Variants in EXOC2 observed in about 807,000 individuals in gnomAD.
EXOC2 encodes the protein SEC5-like 1.
A neutral mutation model predicts 131.8 loss-of-function variants in EXOC2; 70 were observed. The observed-to-expected ratio is 0.53, with a 90% CI of 0.44 to 0.65. The LOEUF (loss-of-function observed/expected upper bound fraction) is 0.65, where lower values mean the gene tolerates loss of function less well. Ranked by LOEUF, EXOC2 falls within the 30% of genes least tolerant of loss-of-function variation. The pLI, the probability that EXOC2 is intolerant of heterozygous loss-of-function variation, is 0.00. For synonymous variants in EXOC2, 411 were observed against 398.4 expected (o/e 1.03, Z -0.38); for missense variants, 923 against 1,108.6 (o/e 0.83, Z 2.38).
intron 17 of EXOC2, among the ~76,000 whole-genome samples, chr6:557,808 T>G (rs570389081): frequency 6.6e-6 from 1 of 151,988 alleles, no homozygotes; most frequent in Non-Finnish European, 1.5e-5. Context: ...AGGACGACAG[T>G]GTACCCACCC....
At chr6:659,200 T>C (rs960794031) in intron 1 of EXOC2, among the ~76,000 whole-genome samples, 3 of 152,190 alleles carry the variant, frequency 2.0e-5, no homozygotes, top group African/African-American at 7.2e-5. Flanking sequence ...AAAGTTTATG[T>C]CATTTATTTA....
intron 23 of EXOC2, among the ~76,000 whole-genome samples, chr6:512,871 A>T (rs1435642619): frequency 6.6e-6 from 1 of 152,240 alleles, no homozygotes; most frequent in Non-Finnish European, 1.5e-5. Context: ...AAGATAACAT[A>T]CAAGAATGTA....
At chr6:524,180 A>G (rs947365632) in intron 23 of EXOC2, 2 of 152,206 alleles carry the variant, frequency 1.3e-5, no homozygotes, top group African/African-American at 4.8e-5. Flanking sequence ...TAGGACATTT[A>G]CGTATGGGGA....
intron 1 of EXOC2, among the ~76,000 whole-genome samples, chr6:639,755 C>A (rs1052305179): frequency 1.3e-5 from 2 of 152,150 alleles, no homozygotes; most frequent in African/African-American, 4.8e-5. Context: ...ATGTGGGAGG[C>A]GTACAGGCCA....
At chr6:500,129 T>C (rs979351048) in intron 23 of EXOC2, among the ~76,000 whole-genome samples, 2 of 152,152 alleles carry the variant, frequency 1.3e-5, no homozygotes, top group Non-Finnish European at 2.9e-5. Context: ...GTATAAGCAG[T>C]AACACAAAAT....
At chr6:682,771 C>T (rs367639522) in intron 1 of EXOC2, among the ~76,000 whole-genome samples, 4 of 152,094 alleles carry the variant, frequency 2.6e-5, no homozygotes, top group African/African-American at 4.8e-5. Context: ...GGGTTTTCTC[C>T]GGGTGTGATG....
chr6:508,138 T>C (rs1321100002), intron 23 of EXOC2, among the ~76,000 whole-genome samples: 1 of 152,236 alleles, frequency 6.6e-6, no homozygotes, highest in Non-Finnish European at 1.5e-5. Flanking sequence ...TAATTGACTA[T>C]ACTTTTTAGA....
intron 11 of EXOC2, among the ~76,000 whole-genome samples, chr6:590,706 C>T (rs373582207): frequency 3.2e-4 from 48 of 152,156 alleles, no homozygotes; most frequent in African/African-American, 9.2e-4. Flanking sequence ...GTTTTCCTCC[C>T]GCCATGACCA....
chr6:633,046 C>T lies in EXOC2; in HGVS notation c.190G>A (p.Val64Met). 6.2e-7 allele frequency: 1 copy of T among 1,614,140 alleles called. No homozygotes were observed. The highest frequency in any genetic ancestry group is 8.5e-7 in the Non-Finnish European group (1 of 1,180,026). Reference sequence around the variant, plus strand: ...CCTTTGTCATTTTTGGCTTGTCCCACTCGACATACTATTTTACTTGCAGAC... The same window carrying T: ...CCTTTGTCATTTTTGGCTTGTCCCATTCGACATACTATTTTACTTGCAGAC... ...WMSASKIVCR[V>M]GQAKNDKGDI... The change falls in exon 3 of 28, where the codon GTG becomes ATG. Residue 64 changes from valine to methionine, a missense_variant. By Grantham distance (21) the Val-to-Met change is conservative (BLOSUM62 1). Coordinates refer to ENST00000230449, the MANE Select transcript of EXOC2 (RefSeq NM_018303.6).
At chr6:676,847 G>A (rs1178648359) in intron 1 of EXOC2, among the ~76,000 whole-genome samples, 15 of 128,594 alleles carry the variant, frequency 1.2e-4, no homozygotes, top group African/African-American at 4.0e-4. Context: ...GTGACTCTGC[G>A]GTTCCCCATA....
At chr6:495,997 G>A (rs1013105061) in intron 25 of EXOC2, among the ~76,000 whole-genome samples, 1 of 151,964 alleles carries the variant, frequency 6.6e-6, no homozygotes, top group Non-Finnish European at 1.5e-5. Flanking sequence ...TCATCTAGTA[G>A]ATTTTTAAAA....
intron 1 of EXOC2, among the ~76,000 whole-genome samples, chr6:678,463 G>A (rs781520059): frequency 7.9e-5 from 12 of 152,240 alleles, no homozygotes; most frequent in Non-Finnish European, 1.3e-4. Context: ...AAGTGAATTC[G>A]TGGGCCAGGT....
At chr6:643,890 G>A (rs1233301094) in intron 1 of EXOC2, among the ~76,000 whole-genome samples, 1 of 151,992 alleles carries the variant, frequency 6.6e-6, no homozygotes, top group African/African-American at 2.4e-5. Context: ...TAGCAATAAA[G>A]ACAATGAACA....
At chr6:592,700 A>C (rs754310138) in intron 10 of EXOC2, 113 bp from the exon 11 acceptor site, 13 of 696,332 alleles carry the variant, frequency 1.9e-5, no homozygotes, top group Non-Finnish European at 3.2e-5. Context: ...GTCAAATATT[A>C]GTCTTTAATA....
intron 21 of EXOC2, among the ~76,000 whole-genome samples, chr6:552,742 A>G (rs1406249396): frequency 1.3e-5 from 2 of 152,104 alleles, no homozygotes; most frequent in African/African-American, 4.8e-5. Flanking sequence ...TAATTTTTTA[A>G]ATTACTTTGA....
At chr6:498,526 C>T (rs993319823) in intron 24 of EXOC2, among the ~76,000 whole-genome samples, 42 of 152,246 alleles carry the variant, frequency 2.8e-4, no homozygotes, top group African/African-American at 9.6e-4. Flanking sequence ...GACTTCCTGC[C>T]TGAGTTAAAT....
In EXOC2 at chr6:623,669, A is replaced by G. The variant is rs539962642; in HGVS notation, c.423-4126T>C. Among the ~76,000 whole-genome samples, 10 of 152,170 alleles carry G rather than the reference A, an allele frequency of 6.6e-5. No individual in the cohort carries two copies. The South Asian group carries it at 1.5e-3, about 22-fold the overall frequency. ...CTCTCTGCTGAAACACAGCCCCCCA[A>G]TTGCCCCTTAACTGGGGAGAGATCA... On this transcript the variant is annotated intron_variant, in intron 4 of 27. Coordinates refer to ENST00000230449, the MANE Select transcript of EXOC2 (RefSeq NM_018303.6).
intron 11 of EXOC2, among the ~76,000 whole-genome samples, chr6:591,202 CCACT>C (rs979666810): frequency 1.1e-4 from 17 of 152,202 alleles, no homozygotes; most frequent in African/African-American, 4.1e-4. Flanking sequence ...TCTCATCCAC[CCACT>C]ATGGGCGGCC....
intron 7 of EXOC2, among the ~76,000 whole-genome samples, chr6:606,077 C>T (rs182736165): frequency 2.6e-4 from 39 of 152,298 alleles, no homozygotes; most frequent in African/African-American, 8.9e-4. Flanking sequence ...CCAGGGAATA[C>T]TATGCAGCCA....
Sources: gnomAD v4.1 joint callset for allele counts (sites outside exome capture counted in the v4.1 genomes callset) on GRCh38, gnomAD v4.1.1 for gene constraint, MANE v1.5 for transcripts, NCBI Gene and HGNC (gene_info 2026-07-23, HGNC 2026-07-21) for gene names.